TRIM24: variants seen among roughly 807,000 people sequenced by gnomAD.
TRIM24 encodes transcription intermediary factor 1-alpha.
In TRIM24, 29 loss-of-function variants were observed where a neutral mutation model predicts 123.9. That is an observed-to-expected ratio of 0.23 (90% CI 0.17 to 0.32). The LOEUF is 0.32. Ranked by LOEUF, TRIM24 falls within the 10% of genes least tolerant of loss-of-function variation. The probability of loss-of-function intolerance (pLI) is 1.00; values close to 1 mark genes in which losing one functional copy is unlikely to be tolerated. For missense variants in TRIM24, 932 were observed against 1,295.3 expected (o/e 0.72, Z 4.31); for synonymous variants, 456 against 461.1 (o/e 0.99, Z 0.14).
intron 5 of TRIM24, among the ~76,000 whole-genome samples, chr7:138,527,715 GCT>G (rs749117579): frequency 6.6e-6 from 1 of 152,284 alleles, no homozygotes; most frequent in East Asian, 1.9e-4. Flanking sequence ...TTTGGTGGAT[GCT>G]CTGTTATTTT....
chr7:138,471,997 G>T (rs1179524912), intron 1 of TRIM24, among the ~76,000 whole-genome samples: 1 of 151,964 alleles, frequency 6.6e-6, no homozygotes, highest in Non-Finnish European at 1.5e-5. Flanking sequence ...CTCCTGCAAG[G>T]TCAAGTAAGA....
At chr7:138,547,859 T>C (rs1424368038) in intron 7 of TRIM24, among the ~76,000 whole-genome samples, 1 of 152,118 alleles carries the variant, frequency 6.6e-6, no homozygotes, top group African/African-American at 2.4e-5. Context: ...TTGGCCAGGC[T>C]AGCCTCGAAC....
chr7:138,577,468 C>T lies in TRIM24; in HGVS notation c.2136C>T (p.Val712=), dbSNP rs200137407. ...CAGGAGCTGACTCTACACACAAAGT[C>T]CCAGTGGTCATGCTGGAGCCAATTC... The part of the protein sequence containing the change: ...KPAGADSTHK[V]PVVMLEPIRI... Residue 712 remains valine (V), a synonymous_variant, in exon 14 of 19, where the codon GTC becomes GTT. Coordinates refer to ENST00000343526, the MANE Select transcript of TRIM24 (RefSeq NM_015905.3). The T allele has an allele frequency of 9.3e-6, 15 of 1,605,790 alleles. No homozygotes were observed. In the African/African-American group the frequency reaches 1.8e-4, roughly 19 times the overall value.
intron 3 of TRIM24, among the ~76,000 whole-genome samples, 181 bp downstream of exon 3, chr7:138,515,540 A>G (rs1220339749): frequency 6.6e-6 from 1 of 152,282 alleles, no homozygotes; most frequent in African/African-American, 2.4e-5. Flanking sequence ...GAATAGATGT[A>G]GAACCCTGTT....
intron 1 of TRIM24, among the ~76,000 whole-genome samples, chr7:138,469,966 A>C (rs1329256671): frequency 2.0e-5 from 3 of 152,020 alleles, no homozygotes; most frequent in African/African-American, 7.2e-5. Context: ...TAGGAAGTGG[A>C]ATGTGGACCC....
Position 138,555,079 on chromosome 7 carries a change from A to C in TRIM24, c.1530+113A>C, listed in dbSNP as rs117302258. The C allele has an allele frequency of 8.7e-3, 9,827 of 1,127,292 alleles. 132 individuals are homozygous for C. The highest frequency in any genetic ancestry group is 0.044 in the South Asian group (2,609 of 58,862). The allele number at this position is 1,127,292 out of a possible 1,614,324, so 69.8% of individuals were successfully genotyped here. A position where few individuals can be genotyped will look rare whatever the true frequency, so the allele number is the denominator to read the frequency against. The stretch of plus-strand genomic sequence containing the variant: ...CATACTCTAAATATCTGCATTTATA[A>C]AAATTTATCACATTAAGGATCCCTG... On this transcript the variant is annotated intron_variant, in intron 9 of 18. Coordinates refer to ENST00000343526, the MANE Select transcript of TRIM24 (RefSeq NM_015905.3).
Position 138,585,073 on chromosome 7 carries a change from C to T in TRIM24, c.*122C>T, listed in dbSNP as rs941856255. On this transcript the variant is annotated 3_prime_UTR_variant, in exon 19 of 19. Coordinates refer to ENST00000343526, the MANE Select transcript of TRIM24 (RefSeq NM_015905.3). ...TGACTATTCTCATCTCTGTTTTGGACGTTTACTAGACTTTGATTTCCTTAA... is the reference window on the plus strand; with the variant it reads ...TGACTATTCTCATCTCTGTTTTGGATGTTTACTAGACTTTGATTTCCTTAA... The T allele has an allele frequency of 2.7e-4, 214 of 793,334 alleles. No homozygotes were observed. Among genetic ancestry groups the T allele is most frequent in the Non-Finnish European group, 3.3e-4 (173 of 526,478 alleles). 49.1% of individuals were successfully genotyped at this position (793,334 alleles called of 1,614,324 possible).
intron 3 of TRIM24, among the ~76,000 whole-genome samples, chr7:138,517,809 G>T (rs922720302): frequency 2.0e-5 from 3 of 151,890 alleles, no homozygotes; most frequent in Non-Finnish European, 4.4e-5. Context: ...TTTCATTTCA[G>T]TTATTAAAGA....
intron 10 of TRIM24, among the ~76,000 whole-genome samples, chr7:138,568,548 G>A (rs1301399268): frequency 2.6e-5 from 4 of 151,344 alleles, no homozygotes. Context: ...TACCATGCCT[G>A]GCTAATTTTT....
rs57719141 is a variant in TRIM24 at position 138,463,043 on chromosome 7, G to GTTTTTTTTT, written c.364+2149_364+2157dup. Reference sequence around the variant, plus strand: ...CGCCACCACGTCCGGCTAATTTTGTGTTTTTTTTTTTTTTTTTTTTTTTTT... The same window carrying GTTTTTTTTT: ...CGCCACCACGTCCGGCTAATTTTGTGTTTTTTTTTTTTTTTTTTTTTTTTTTTTTTTTTT... On this transcript the variant is annotated intron_variant, in intron 1 of 18. Coordinates refer to ENST00000343526, the MANE Select transcript of TRIM24 (RefSeq NM_015905.3). Among the ~76,000 whole-genome samples, 47 of 60,136 alleles carry GTTTTTTTTT rather than the reference G, an allele frequency of 7.8e-4. 7 individuals carry two copies. The highest frequency in any genetic ancestry group is 9.7e-4 in the Non-Finnish European group (34 of 35,160). 39.5% of individuals were successfully genotyped at this position (60,136 alleles called of 152,430 possible). A position where few individuals can be genotyped will look rare whatever the true frequency, so the allele number is the denominator to read the frequency against.
At chr7:138,519,737 T>G (rs1194213601) in intron 4 of TRIM24, among the ~76,000 whole-genome samples, 1 of 152,200 alleles carries the variant, frequency 6.6e-6, no homozygotes, top group Non-Finnish European at 1.5e-5. Context: ...TTTACATTTT[T>G]TAAATATCTA....
At chr7:138,569,358 C>T (rs1433426557) in intron 10 of TRIM24, among the ~76,000 whole-genome samples, 1 of 151,870 alleles carries the variant, frequency 6.6e-6, no homozygotes, top group South Asian at 2.1e-4. Context: ...AAAAAATCTA[C>T]TGGGAAATTG....
chr7:138,475,295 A>G (rs1213103854), intron 1 of TRIM24, among the ~76,000 whole-genome samples: 3 of 152,232 alleles, frequency 2.0e-5, no homozygotes, highest in Non-Finnish European at 4.4e-5. Context: ...CCATTAGGAC[A>G]AAAGCCCAAA....
At chr7:138,544,089 G>A (rs10245088) in intron 7 of TRIM24, among the ~76,000 whole-genome samples, 3,308 of 152,184 alleles carry the variant, frequency 0.022, 102 homozygotes, top group African/African-American at 0.073. Context: ...TGGCATTACA[G>A]TGTTATTAAC....
chr7:138,500,038 C>G (rs1159933659), intron 1 of TRIM24, among the ~76,000 whole-genome samples: 1 of 152,156 alleles, frequency 6.6e-6, no homozygotes, highest in Non-Finnish European at 1.5e-5. Flanking sequence ...TGTCATTTAA[C>G]TCACTTGTGT....
chr7:138,508,702 TGTGTGCGTGTGTGTGTGC>T (rs1796213041), intron 2 of TRIM24, among the ~76,000 whole-genome samples: 28 of 40,506 alleles, frequency 6.9e-4, no homozygotes, highest in African/African-American at 2.0e-3. Context: ...TGCGCGCGCG[TGTGTGCGTGTGTGTGTGC>T]GTGTGTGTGT....
At chr7:138,523,044 G>T (rs73731215) in intron 4 of TRIM24, among the ~76,000 whole-genome samples, 1 of 152,274 alleles carries the variant, frequency 6.6e-6, no homozygotes, top group African/African-American at 2.4e-5. Flanking sequence ...GCAGTTTAGG[G>T]AAAGTAGGTA....
At chr7:138,474,134 T>C (rs1244065402) in intron 1 of TRIM24, among the ~76,000 whole-genome samples, 3 of 150,048 alleles carry the variant, frequency 2.0e-5, no homozygotes, top group Non-Finnish European at 3.0e-5. Context: ...TTTTCTTTTT[T>C]TTTTTTTTTG....
At chr7:138,524,742 C>T (rs1410864176) in intron 4 of TRIM24, among the ~76,000 whole-genome samples, 3 of 152,046 alleles carry the variant, frequency 2.0e-5, no homozygotes, top group Non-Finnish European at 4.4e-5. Flanking sequence ...TGCTGTATCT[C>T]ATTATACTGT....
Sources: gnomAD v4.1 joint callset for allele counts (sites outside exome capture counted in the v4.1 genomes callset) on GRCh38, gnomAD v4.1.1 for gene constraint, MANE v1.5 for transcripts, NCBI Gene and HGNC (gene_info 2026-07-23, HGNC 2026-07-21) for gene names.